Variants in SGCD observed in about 807,000 individuals in gnomAD.
SGCD encodes delta-sarcoglycan.
Under a neutral mutation model 36.6 loss-of-function variants are expected in SGCD, and 18 were observed. The ratio of observed to expected loss-of-function variants is 0.49; its 90% CI spans 0.34 to 0.73. SGCD has a LOEUF of 0.73. Among genes scored for constraint, SGCD ranks in the 30% least tolerant of loss-of-function variants. SGCD has a pLI of 0.01. For missense variants in SGCD, 387 were observed against 346.7 expected (o/e 1.12, Z -0.92); for synonymous variants, 133 against 130.6 (o/e 1.02, Z -0.12).
the SGCD span, among the ~76,000 whole-genome samples, chr5:155,776,392 C>T: frequency 6.6e-6 from 1 of 152,146 alleles, no homozygotes; most frequent in African/African-American, 2.4e-5. Context: ...TTATCATCCT[C>T]TTCACAGCTT....
chr5:156,268,598 CCTTT>C (rs1428528408), intron 3 of SGCD, among the ~76,000 whole-genome samples: 2 of 141,020 alleles, frequency 1.4e-5, no homozygotes, highest in South Asian at 4.4e-4. Context: ...TTCCTTCCTT[CCTTT>C]CTATTTTGAG....
chr5:156,241,135 T>A (rs1427869043), intron 3 of SGCD, among the ~76,000 whole-genome samples: 1 of 152,098 alleles, frequency 6.6e-6, no homozygotes. Flanking sequence ...ACATAAACGA[T>A]TGAGAAATTG....
At chr5:155,762,016 T>A in the SGCD span, among the ~76,000 whole-genome samples, 1 of 152,226 alleles carries the variant, frequency 6.6e-6, no homozygotes, top group Non-Finnish European at 1.5e-5. Context: ...TTTACAAATA[T>A]ACACTTGAAT....
chr5:156,517,810 T>C (rs256832), intron 4 of SGCD, among the ~76,000 whole-genome samples: 79,224 of 151,936 alleles, frequency 0.52, 20,950 homozygotes, highest in African/African-American at 0.56. Context: ...TTGTTACCAC[T>C]AGGCCTGCCT....
At chr5:156,267,558 G>A (rs1207998551) in intron 3 of SGCD, among the ~76,000 whole-genome samples, 1 of 152,156 alleles carries the variant, frequency 6.6e-6, no homozygotes, top group Non-Finnish European at 1.5e-5. Flanking sequence ...TTCCCTCCCT[G>A]AGCACAGGCA....
chr5:156,704,585 T>C (rs1291434658), intron 7 of SGCD, among the ~76,000 whole-genome samples: 2 of 152,208 alleles, frequency 1.3e-5, no homozygotes, highest in South Asian at 2.1e-4. Flanking sequence ...TGCCTAAAGA[T>C]ACTTTTTATT....
chr5:156,375,998 G>A (rs1021903), intron 3 of SGCD, among the ~76,000 whole-genome samples: 2 of 152,000 alleles, frequency 1.3e-5, no homozygotes, highest in Admixed American at 1.3e-4. Context: ...TTGATTTATC[G>A]TATATGTACA....
At chr5:156,243,298 A>G (rs961404940) in intron 3 of SGCD, among the ~76,000 whole-genome samples, 2 of 152,210 alleles carry the variant, frequency 1.3e-5, no homozygotes, top group Non-Finnish European at 2.9e-5. Flanking sequence ...AGCAGTAGCT[A>G]GATGTGGGAT....
At chr5:156,236,344 G>A (rs1004188904) in intron 3 of SGCD, among the ~76,000 whole-genome samples, 11 of 151,988 alleles carry the variant, frequency 7.2e-5, no homozygotes, top group Non-Finnish European at 1.6e-4. Flanking sequence ...CTTACTTTAT[G>A]ACAATTCACT....
chr5:156,085,428 T>C (rs1761068987), intron 1 of SGCD, among the ~76,000 whole-genome samples: 1 of 152,166 alleles, frequency 6.6e-6, no homozygotes, highest in African/African-American at 2.4e-5. Flanking sequence ...TCCCTCTTCC[T>C]CTGGCTTTTG....
intron 3 of SGCD, among the ~76,000 whole-genome samples, chr5:156,222,420 G>T (rs1008895373): frequency 6.6e-6 from 1 of 151,288 alleles, no homozygotes; most frequent in African/African-American, 2.4e-5. Context: ...ATTTTTTTTT[G>T]CAGAGGAGTG....
chr5:155,806,241 G>A, the SGCD span, among the ~76,000 whole-genome samples: 2,650 of 152,212 alleles, frequency 0.017, 86 homozygotes, highest in African/African-American at 0.059. Flanking sequence ...CGCCACCTCC[G>A]CCTCCTGGGT....
intron 3 of SGCD, among the ~76,000 whole-genome samples, chr5:156,171,401 CA>C (rs1297315972): frequency 6.6e-6 from 1 of 152,112 alleles, no homozygotes; most frequent in Non-Finnish European, 1.5e-5. Context: ...TGATTTTCAT[CA>C]ATAGATCTAA....
chr5:156,006,807 C>G (rs1042433757), intron 1 of SGCD, among the ~76,000 whole-genome samples: 1 of 152,146 alleles, frequency 6.6e-6, no homozygotes, highest in Admixed American at 6.5e-5. Context: ...CAAATGTGAG[C>G]AGTCTAATCA....
the SGCD span, among the ~76,000 whole-genome samples, chr5:155,833,819 CTCTT>C: frequency 2.0e-5 from 3 of 152,206 alleles, no homozygotes; most frequent in Non-Finnish European, 2.9e-5. Flanking sequence ...ATTTCACTGT[CTCTT>C]TCTAATAATT....
At chr5:156,312,131 G>C (rs560626594) in intron 3 of SGCD, among the ~76,000 whole-genome samples, 1 of 152,156 alleles carries the variant, frequency 6.6e-6, no homozygotes, top group African/African-American at 2.4e-5. Flanking sequence ...CGTACCAAAG[G>C]TACTCATGTA....
chr5:156,487,782 T>G (rs1755743470), intron 3 of SGCD, among the ~76,000 whole-genome samples: 1 of 27,982 alleles, frequency 3.6e-5, no homozygotes, highest in Non-Finnish European at 7.6e-5. Context: ...AGTGAGACTC[T>G]GTCACCAAAA....
intron 3 of SGCD, among the ~76,000 whole-genome samples, chr5:156,263,924 G>T (rs566462473): frequency 6.4e-4 from 97 of 151,984 alleles, no homozygotes; most frequent in African/African-American, 2.1e-3. Flanking sequence ...TTATTTCTGG[G>T]TTCTCTATTC....
chr5:155,913,023 T>C (rs1490971617), intron 1 of SGCD, among the ~76,000 whole-genome samples: 1 of 152,154 alleles, frequency 6.6e-6, no homozygotes, highest in Non-Finnish European at 1.5e-5. Context: ...ACTTTTGCAT[T>C]GTGATGTATT....
Sources: gnomAD v4.1 joint callset for allele counts (sites outside exome capture counted in the v4.1 genomes callset) on GRCh38, gnomAD v4.1.1 for gene constraint, MANE v1.5 for transcripts, NCBI Gene and HGNC (gene_info 2026-07-23, HGNC 2026-07-21) for gene names.